PTPRQ: variants seen among roughly 807,000 people sequenced by gnomAD.
PTPRQ encodes the protein phosphatidylinositol phosphatase PTPRQ.
In PTPRQ, 199 loss-of-function variants were observed where a neutral mutation model predicts 246.0. The observed-to-expected ratio is 0.81, with a 90% CI of 0.72 to 0.91. PTPRQ has a LOEUF of 0.91. Ranked by LOEUF, PTPRQ falls within the 40% of genes least tolerant of loss-of-function variation. The pLI is 0.00. For missense variants in PTPRQ, 2,624 were observed against 2,528.4 expected (o/e 1.04, Z -0.81); for synonymous variants, 869 against 853.2 (o/e 1.02, Z -0.32).
In PTPRQ at chr12:80,534,109, G is replaced by T; in HGVS notation, c.2773G>T (p.Ala925Ser). The T allele has an allele frequency of 6.5e-7, 1 of 1,541,590 alleles. No homozygotes were observed. The highest frequency in any genetic ancestry group is 8.8e-7 in the Non-Finnish European group (1 of 1,142,722). The part of the protein sequence containing the change: ...YNVEYSAYVT[A>S]STRFGDGKTR... ...TGTTGAATACAGTGCTTATGTAACA[G>T]CTAGCACCAGATTTGGTGATGGGAA... The change falls in exon 18 of 45, where the codon GCT (alanine) becomes TCT (serine). Residue 925 changes from alanine (A) to serine (S), a missense_variant. Coordinates refer to ENST00000644991, the MANE Select transcript of PTPRQ (RefSeq NM_001145026.2).
chr12:80,600,307 T>C (rs1898101101), intron 26 of PTPRQ, among the ~76,000 whole-genome samples: 1 of 151,714 alleles, frequency 6.6e-6, no homozygotes, highest in African/African-American at 2.4e-5. Context: ...ATTTGATTGC[T>C]AGTATTAAAG....
At chr12:80,452,707 G>T (rs1592518460) in intron 3 of PTPRQ, among the ~76,000 whole-genome samples, 1 of 152,146 alleles carries the variant, frequency 6.6e-6, no homozygotes, top group East Asian at 1.9e-4. Flanking sequence ...ACTCTCTTCT[G>T]GCTTCTAGAG....
intron 8 of PTPRQ, among the ~76,000 whole-genome samples, chr12:80,481,748 C>CA (rs1894068603): frequency 6.6e-6 from 1 of 151,922 alleles, no homozygotes; most frequent in Admixed American, 6.6e-5. Context: ...AACAGAGAGC[C>CA]AAATCATGAG....
At chr12:80,576,426 C>T (rs1440816262) in intron 25 of PTPRQ, among the ~76,000 whole-genome samples, 1 of 151,908 alleles carries the variant, frequency 6.6e-6, no homozygotes, top group Non-Finnish European at 1.5e-5. Flanking sequence ...TAGGCGTGAG[C>T]CCCCATGCCT....
At chr12:80,452,847 G>C (rs574483945) in intron 3 of PTPRQ, among the ~76,000 whole-genome samples, 1 of 151,944 alleles carries the variant, frequency 6.6e-6, no homozygotes, top group African/African-American at 2.4e-5. Context: ...ATGTGTCTTG[G>C]AGTCGCTCTT....
intron 3 of PTPRQ, 146 bp downstream of exon 3, chr12:80,445,863 G>T: frequency 3.5e-6 from 2 of 565,970 alleles, no homozygotes; most frequent in Non-Finnish European, 6.2e-6. Context: ...ACACCCACCT[G>T]AGATTTTAAA....
At chr12:80,643,044 A>T (rs1264157553) in intron 35 of PTPRQ, among the ~76,000 whole-genome samples, 2 of 152,116 alleles carry the variant, frequency 1.3e-5, no homozygotes, top group African/African-American at 4.8e-5. Flanking sequence ...TATCCTTCAA[A>T]TTTAATGCTT....
intron 43 of PTPRQ, among the ~76,000 whole-genome samples, chr12:80,676,789 T>C (rs1025607563): frequency 1.3e-5 from 2 of 152,160 alleles, no homozygotes; most frequent in Admixed American, 6.5e-5. Context: ...TGTGAACTCA[T>C]ATAGGGGAAG....
At chr12:80,654,697 A>C in intron 38 of PTPRQ, among the ~76,000 whole-genome samples, 1 of 150,964 alleles carries the variant, frequency 6.6e-6, no homozygotes, top group African/African-American at 2.4e-5. Context: ...AAAATCCAAA[A>C]AAAAAAAAAA....
rs1380141644 is a variant in PTPRQ, at chr12:80,654,696, A to C, written c.6115+1862A>C. 5.2e-3 allele frequency among the ~76,000 whole-genome samples: 772 copies of C among 149,660 alleles called. 3 individuals carry two copies. Among genetic ancestry groups the C allele is most frequent in the African/African-American group, 0.018 (747 of 40,546 alleles). ...AACCCCATCTGTACTAAAAATCCAA[A>C]AAAAAAAAAAAAAATTAGCCGGGCG... On this transcript the variant is annotated intron_variant, in intron 38 of 44. Coordinates refer to ENST00000644991, the MANE Select transcript of PTPRQ (RefSeq NM_001145026.2).
At chr12:80,530,994 A>G (rs992504910) in intron 17 of PTPRQ, among the ~76,000 whole-genome samples, 1 of 152,078 alleles carries the variant, frequency 6.6e-6, no homozygotes, top group South Asian at 2.1e-4. Flanking sequence ...ATTCAAGTCC[A>G]GCCTAGGCAA....
Position 80,501,533 on chromosome 12 carries a change from G to T in PTPRQ, c.2273-4491G>T, listed in dbSNP as rs184358043. Among the ~76,000 whole-genome samples the T allele has an allele frequency of 3.1e-3, 472 of 152,004 alleles. 1 individual carries two copies. Among genetic ancestry groups the T allele is most frequent in the Non-Finnish European group, 5.2e-3 (352 of 67,908 alleles). On this transcript the variant is annotated intron_variant, in intron 14 of 44. Coordinates refer to ENST00000644991, the MANE Select transcript of PTPRQ (RefSeq NM_001145026.2). ...AAGCTCAGGGAAAAGATACAGAGCT[G>T]AATATATAATTTGGAGCCTCACCAC...
At chr12:80,621,474 T>G (rs1565824069) in intron 32 of PTPRQ, among the ~76,000 whole-genome samples, 1 of 152,002 alleles carries the variant, frequency 6.6e-6, no homozygotes, top group Non-Finnish European at 1.5e-5. Flanking sequence ...AAATTTCAAT[T>G]GTCTCTGAGG....
At chr12:80,525,698 G>A (rs1895664752) in intron 17 of PTPRQ, among the ~76,000 whole-genome samples, 1 of 150,032 alleles carries the variant, frequency 6.7e-6, no homozygotes, top group African/African-American at 2.5e-5. Flanking sequence ...GTCACTCTCG[G>A]GTTTCTTACT....
At chr12:80,526,708 G>A (rs1895697221) in intron 17 of PTPRQ, among the ~76,000 whole-genome samples, 1 of 152,058 alleles carries the variant, frequency 6.6e-6, no homozygotes, top group African/African-American at 2.4e-5. Flanking sequence ...CAAGTACCAT[G>A]TGTTTAAAAA....
chr12:80,629,690 G>A (rs1485872593), intron 33 of PTPRQ, among the ~76,000 whole-genome samples: 1 of 152,132 alleles, frequency 6.6e-6, no homozygotes, highest in African/African-American at 2.4e-5. Flanking sequence ...TTTAAGCAGA[G>A]AAATAATGTT....
rs548782687 is a variant in PTPRQ at position 80,587,993 on chromosome 12, G to A, written c.4286-136G>A. The A allele has an allele frequency of 5.7e-6, 5 of 884,770 alleles. No individual in the cohort carries two copies. The African/African-American group carries it at 6.8e-5, about 12-fold the overall frequency. 54.8% of individuals were successfully genotyped at this position (884,770 alleles called of 1,614,324 possible). The stretch of plus-strand genomic sequence containing the variant: ...CTCTAAGGTTCTTCTCATTAAGTGT[G>A]GGGATAATTAATCTAAGAGCTATAG... On this transcript the variant is annotated intron_variant, in intron 25 of 44. Transcript: ENST00000644991.
chr12:80,478,218 G>T (rs1893891379), intron 8 of PTPRQ, among the ~76,000 whole-genome samples: 1 of 149,776 alleles, frequency 6.7e-6, no homozygotes, highest in South Asian at 2.1e-4. Context: ...GTGGGTCCCT[G>T]ACCCCTGACC....
chr12:80,676,085 G>A (rs955553042), intron 43 of PTPRQ, among the ~76,000 whole-genome samples: 3 of 152,124 alleles, frequency 2.0e-5, no homozygotes, highest in Non-Finnish European at 4.4e-5. Flanking sequence ...CCAGAAGTTA[G>A]GCTCTTTACT....
Sources: allele counts gnomAD v4.1 joint callset (sites outside exome capture counted in the v4.1 genomes callset), GRCh38; gene constraint gnomAD v4.1.1; transcripts MANE v1.5; gene names NCBI Gene and HGNC (gene_info 2026-07-23, HGNC 2026-07-21).